LPO: variants seen among roughly 807,000 people sequenced by gnomAD.
LPO encodes the protein salivary peroxidase.
Under a neutral mutation model 68.4 loss-of-function variants are expected in LPO, and 70 were observed. That is an observed-to-expected ratio of 1.02 (90% CI 0.84 to 1.25). The LOEUF is 1.25. LPO is among the 50% of genes most tolerant of loss of function. LPO has a pLI of 0.00. For missense variants in LPO, 873 were observed against 908.4 expected (o/e 0.96, Z 0.50); for synonymous variants, 360 against 357.6 (o/e 1.01, Z -0.08).
intron 9 of LPO, among the ~76,000 whole-genome samples, chr17:58,263,810 T>A (rs565770099): frequency 6.6e-6 from 1 of 152,370 alleles, no homozygotes; most frequent in Admixed American, 6.5e-5. Context: ...TGGACTACTT[T>A]TGTGGGCTTT....
rs774915587 is a variant in LPO at position 58,252,405 on chromosome 17, A to G, written c.1004A>G (p.Glu335Gly). Reference sequence around the variant, plus strand: ...CTGGGCCTCATGGCTGTCAACCAGGAGGTCTCAGACCATGGACTACCCTAC... The same window carrying G: ...CTGGGCCTCATGGCTGTCAACCAGGGGGTCTCAGACCATGGACTACCCTAC... ...SPLGLMAVNQ[E>G]VSDHGLPYLP... The change falls in exon 8 of 13, where the codon GAG becomes GGG. Residue 335 changes from glutamate (E) to glycine (G), a missense_variant. Glu to Gly is a moderately conservative substitution (Grantham distance 98). Transcript: ENST00000262290. 6.2e-7 allele frequency: 1 copy of G among 1,614,164 alleles called. No homozygotes were observed. The highest frequency in any genetic ancestry group is 8.5e-7 in the Non-Finnish European group (1 of 1,180,036).
intron 1 of LPO, among the ~76,000 whole-genome samples, chr17:58,240,894 A>T (rs986283719): frequency 6.6e-6 from 1 of 152,100 alleles, no homozygotes; most frequent in Admixed American, 6.6e-5. Flanking sequence ...AGCCCTCTTT[A>T]AAAAAATCAG....
At chr17:58,243,910 G>A (rs7219860) in intron 2 of LPO, 84 bp from the exon 3 acceptor site, 204,154 of 908,204 alleles carry the variant, frequency 0.22, 24,209 homozygotes, top group African/African-American at 0.31. Flanking sequence ...GGTAATGGCC[G>A]AGAAAGAGGG....
rs200951036 is a variant in LPO, at chr17:58,244,088, G to GACACAC, written c.164+8_164+9insCACACA. 58 of 1,454,460 alleles carry GACACAC rather than the reference G, an allele frequency of 4.0e-5. No homozygotes were observed. The African/African-American group carries it at 4.7e-4, about 12-fold the overall frequency. 90.1% of individuals were successfully genotyped at this position (1,454,460 alleles called of 1,614,324 possible). On this transcript the variant is annotated splice_region_variant and intron_variant, in intron 3 of 12. Transcript: ENST00000262290. ...TCCTGGACTCCCGAACCAGGTACGT[G>GACACAC]AGACACACACACACACACACACACA...
rs1258571325 is a variant in LPO at position 58,264,769 on chromosome 17, G to A, written c.1314G>A (p.Met438Ile). The change falls in exon 10 of 13, where the codon ATG (methionine) becomes ATA (isoleucine). Residue 438 changes from methionine to isoleucine, a missense_variant. By Grantham distance (10) the Met-to-Ile change is conservative (BLOSUM62 1). Transcript: ENST00000262290. ...DYLPILLGDH[M>I]QKWIPPYQGY... is the part of the protein sequence containing the mutation. Reference sequence around the variant, plus strand: ...TACCCATTTTGCTAGGTGACCACATGCAGAAGTGGATACCCCCATATCAAG... The same window carrying A: ...TACCCATTTTGCTAGGTGACCACATACAGAAGTGGATACCCCCATATCAAG... 6.2e-7 allele frequency: 1 copy of A among 1,614,064 alleles called. No individual in the cohort carries two copies. The highest frequency in any genetic ancestry group is 1.3e-5 in the African/African-American group (1 of 74,934).
chr17:58,248,404 C>A (rs1195489701), intron 4 of LPO, among the ~76,000 whole-genome samples: 1 of 151,944 alleles, frequency 6.6e-6, no homozygotes, highest in Non-Finnish European at 1.5e-5. Context: ...TCAGAGATGG[C>A]CCCCCGGAAG....
chr17:58,267,368 C>G lies in LPO; in HGVS notation c.1713C>G (p.Ala571=). The change falls in exon 12 of 13, where the codon GCC becomes GCG. Residue 571 remains alanine, a synonymous_variant. Transcript: ENST00000262290. ...HGQPGYNSWR[A]FCDLSQPQTL... ...CCCTAGGGTACAATTCCTGGAGAGC[C>G]TTCTGTGACCTCTCACAGCCGCAGA... 1 of 1,614,158 alleles carries G rather than the reference C, an allele frequency of 6.2e-7. No individual in the cohort carries two copies. Among genetic ancestry groups the G allele is most frequent in the Non-Finnish European group, 8.5e-7 (1 of 1,179,990 alleles).
chr17:58,262,426 G>C (rs1970191738), intron 9 of LPO, among the ~76,000 whole-genome samples: 1 of 152,212 alleles, frequency 6.6e-6, no homozygotes, highest in African/African-American at 2.4e-5. Flanking sequence ...GTCTTGCTCT[G>C]TTGCCCAGGC....
In LPO at chr17:58,249,077, A is replaced by C. The variant is rs776533116; in HGVS notation, c.343A>C (p.Thr115Pro). Residue 115 changes from threonine (T) to proline (P), a missense_variant, in exon 5 of 13, where the codon ACT (threonine) becomes CCT (proline). Physicochemically the swap from Thr to Pro is conservative, Grantham distance 38. Transcript: ENST00000262290. ...TGTTTCAGATCCCAGCCTGGACTTG[A>C]CTTCACTGTCTCTGGAGGTGGGCTG... ...TNVTDPSLDL[T>P]SLSLEVGCGA... 27 of 1,613,918 alleles carry C rather than the reference A, an allele frequency of 1.7e-5. No individual in the cohort carries two copies. Among genetic ancestry groups the C allele is most frequent in the Non-Finnish European group, 2.1e-5 (25 of 1,179,986 alleles).
chr17:58,257,947 T>G (rs2143928987), intron 9 of LPO, among the ~76,000 whole-genome samples: 1 of 152,370 alleles, frequency 6.6e-6, no homozygotes, highest in East Asian at 1.9e-4. Context: ...TTGAGAAATG[T>G]CTATTCAAAT....
At chr17:58,243,304 C>T (rs1426811037) in intron 2 of LPO, 1 of 477,864 alleles carries the variant, frequency 2.1e-6, no homozygotes, top group African/African-American at 2.0e-5. Flanking sequence ...ATCTCTGCCT[C>T]AGTCTTTGCG....
intron 1 of LPO, among the ~76,000 whole-genome samples, chr17:58,241,388 G>A (rs778232632): frequency 7.2e-5 from 11 of 152,062 alleles, no homozygotes; most frequent in African/African-American, 1.4e-4. Context: ...TGGGATTACA[G>A]GCATGAGCCA....
At chr17:58,247,089 G>T (rs958343496) in intron 3 of LPO, among the ~76,000 whole-genome samples, 1 of 152,078 alleles carries the variant, frequency 6.6e-6, no homozygotes, top group Non-Finnish European at 1.5e-5. Context: ...TCACTCAGAG[G>T]TCATATAATT....
intron 8 of LPO, 101 bp from the exon 9 acceptor site, chr17:58,254,710 G>GA: frequency 8.7e-7 from 1 of 1,153,062 alleles, no homozygotes; most frequent in Non-Finnish European, 1.2e-6. Flanking sequence ...GGGCGGGGGG[G>GA]GCGGGGCGCG....
At chr17:58,247,669 G>T in intron 4 of LPO, 31 bp downstream of exon 4, 1 of 1,604,314 alleles carries the variant, frequency 6.2e-7, no homozygotes, top group Non-Finnish European at 8.5e-7. Flanking sequence ...CTCTGTGGCA[G>T]GAAGGGGTCA....
At chr17:58,253,118 A>G (rs1969996985) in intron 8 of LPO, among the ~76,000 whole-genome samples, 1 of 152,056 alleles carries the variant, frequency 6.6e-6, no homozygotes, top group Non-Finnish European at 1.5e-5. Context: ...AATCATCGTT[A>G]ACATTTTCAT....
chr17:58,250,432 C>T lies in LPO; in HGVS notation c.591C>T (p.Asn197=), dbSNP rs1969936503. ...FPLPLAREVS[N]KIVGYLNEEG... ...ATCTGTAGGCCCGGGAGGTATCTAA[C>T]AAGATTGTTGGCTATCTGAATGAGG... is the stretch of plus-strand genomic sequence containing the variant. Residue 197 remains asparagine, a synonymous_variant, in exon 7 of 13, where the codon AAC becomes AAT. Transcript: ENST00000262290. 1 of 1,614,142 alleles carries T rather than the reference C, an allele frequency of 6.2e-7. No individual in the cohort carries two copies. The highest frequency in any genetic ancestry group is 8.5e-7 in the Non-Finnish European group (1 of 1,180,014).
chr17:58,259,647 T>C (rs1364156264), intron 9 of LPO, among the ~76,000 whole-genome samples: 1 of 152,216 alleles, frequency 6.6e-6, no homozygotes, highest in Non-Finnish European at 1.5e-5. Flanking sequence ...GCATTAAAAT[T>C]ATATATACAT....
intron 3 of LPO, among the ~76,000 whole-genome samples, chr17:58,244,837 A>T (rs1434109874): frequency 2.0e-5 from 3 of 152,264 alleles, no homozygotes; most frequent in Non-Finnish European, 4.4e-5. Context: ...CATGGCAGCA[A>T]GGGGAAGAGC....
Sources: gnomAD v4.1 joint callset for allele counts (sites outside exome capture counted in the v4.1 genomes callset) on GRCh38, gnomAD v4.1.1 for gene constraint, MANE v1.5 for transcripts, NCBI Gene and HGNC (gene_info 2026-07-23, HGNC 2026-07-21) for gene names.